The following ANTXR1 variants were observed in gnomAD, a reference collection of about 807,000 sequenced individuals.
ANTXR1 encodes the protein ANTXR cell adhesion molecule 1, also known as anthrax toxin receptor 1.
Under a neutral mutation model 78.1 loss-of-function variants are expected in ANTXR1, and 19 were observed. The observed-to-expected ratio is 0.24, with a 90% CI of 0.17 to 0.36. The LOEUF is 0.36. ANTXR1 is among the 10% of genes least tolerant of loss of function. ANTXR1 has a pLI of 1.00. For missense variants in ANTXR1, 518 were observed against 718.6 expected (o/e 0.72, Z 3.19); for synonymous variants, 273 against 260.5 (o/e 1.05, Z -0.46).
At chr2:69,245,187 C>CG (rs1311328336) in intron 17 of ANTXR1, 38 bp from the exon 18 acceptor site, 1 of 1,613,238 alleles carries the variant, frequency 6.2e-7, no homozygotes, top group Non-Finnish European at 8.5e-7. Flanking sequence ...GATGTGAGGC[C>CG]GTCCGCTCAC....
intron 12 of ANTXR1, among the ~76,000 whole-genome samples, chr2:69,148,441 G>A (rs1240870221): frequency 1.3e-5 from 2 of 152,200 alleles, no homozygotes; most frequent in Admixed American, 6.5e-5. Context: ...ACAATAGCCC[G>A]CTGGTCTGCT....
At chr2:69,146,913 C>A (rs1160124563) in intron 12 of ANTXR1, among the ~76,000 whole-genome samples, 1 of 152,258 alleles carries the variant, frequency 6.6e-6, no homozygotes, top group Non-Finnish European at 1.5e-5. Context: ...GCCAAGCTCA[C>A]ACACCAGTCC....
intron 8 of ANTXR1, among the ~76,000 whole-genome samples, chr2:69,084,771 C>T (rs188430580): frequency 1.3e-5 from 2 of 149,754 alleles, no homozygotes; most frequent in Admixed American, 6.7e-5. Flanking sequence ...ATAGAACTGA[C>T]ATGGATCTGG....
chr2:69,158,267 A>G (rs1336757624), intron 13 of ANTXR1, among the ~76,000 whole-genome samples: 1 of 152,198 alleles, frequency 6.6e-6, no homozygotes, highest in East Asian at 1.9e-4. Context: ...CATATCAGGT[A>G]CTTCCTTATC....
chr2:69,080,892 A>C (rs7569188), intron 8 of ANTXR1, among the ~76,000 whole-genome samples: 4 of 152,006 alleles, frequency 2.6e-5, no homozygotes, highest in Admixed American at 6.5e-5. Context: ...AAGTGAAGAA[A>C]GGCAGAAGAT....
chr2:69,110,681 A>G (rs1157771356), intron 10 of ANTXR1, among the ~76,000 whole-genome samples: 1 of 152,150 alleles, frequency 6.6e-6, no homozygotes, highest in African/African-American at 2.4e-5. Flanking sequence ...TAACACGGTG[A>G]AACCCCGTCT....
At chr2:69,016,747 T>C (rs1239195215) in intron 1 of ANTXR1, among the ~76,000 whole-genome samples, 1 of 152,252 alleles carries the variant, frequency 6.6e-6, no homozygotes, top group East Asian at 1.9e-4. Flanking sequence ...TTTGTTTACA[T>C]GTTTTTCTTA....
chr2:69,179,767 T>C (rs936638354), intron 14 of ANTXR1, among the ~76,000 whole-genome samples: 2 of 152,166 alleles, frequency 1.3e-5, no homozygotes, highest in African/African-American at 2.4e-5. Context: ...ATAGGAATAA[T>C]AACACCATGT....
intron 12 of ANTXR1, among the ~76,000 whole-genome samples, chr2:69,127,271 A>T (rs149520521): frequency 1.3e-5 from 2 of 152,314 alleles, no homozygotes; most frequent in East Asian, 3.9e-4. Context: ...GTATTTGAGT[A>T]GCAACCTGGA....
At chr2:69,222,612 G>C (rs528734440) in intron 17 of ANTXR1, among the ~76,000 whole-genome samples, 1 of 152,320 alleles carries the variant, frequency 6.6e-6, no homozygotes, top group Admixed American at 6.5e-5. Context: ...AGACCGGAAG[G>C]GGGCTGGGGG....
chr2:69,122,595 T>C (rs555269233), intron 10 of ANTXR1, among the ~76,000 whole-genome samples: 1 of 151,982 alleles, frequency 6.6e-6, no homozygotes, highest in Non-Finnish European at 1.5e-5. Flanking sequence ...TTTGTTTTTG[T>C]TTTTTTATTA....
chr2:69,046,370 G>A (rs72895464), intron 3 of ANTXR1, among the ~76,000 whole-genome samples: 2,078 of 152,178 alleles, frequency 0.014, 45 homozygotes, highest in African/African-American at 0.046. Flanking sequence ...GACCCATTGT[G>A]GTTTGTTATG....
At chr2:69,053,126 G>T (rs1669971609) in intron 3 of ANTXR1, among the ~76,000 whole-genome samples, 1 of 151,994 alleles carries the variant, frequency 6.6e-6, no homozygotes, top group African/African-American at 2.4e-5. Flanking sequence ...CCTAAAATTG[G>T]TCCTCTTCTT....
chr2:69,181,672 T>C (rs1212660710), intron 14 of ANTXR1, 114 bp from the exon 15 acceptor site: 3 of 996,436 alleles, frequency 3.0e-6, no homozygotes, highest in African/African-American at 3.2e-5. Flanking sequence ...AGCACTGGGA[T>C]TGCACCCAGG....
chr2:69,219,321 G>A (rs1311847515), intron 17 of ANTXR1, among the ~76,000 whole-genome samples: 1 of 149,104 alleles, frequency 6.7e-6, no homozygotes, highest in Non-Finnish European at 1.5e-5. Context: ...AAAGGAGAAA[G>A]GTTAATCCCT....
intron 17 of ANTXR1, among the ~76,000 whole-genome samples, chr2:69,219,414 CA>C: frequency 6.6e-6 from 1 of 151,840 alleles, no homozygotes; most frequent in Non-Finnish European, 1.5e-5. Flanking sequence ...CACACACACA[CA>C]CACACACCCT....
intron 3 of ANTXR1, among the ~76,000 whole-genome samples, chr2:69,046,110 A>G (rs992997366): frequency 7.2e-5 from 11 of 152,102 alleles, no homozygotes; most frequent in African/African-American, 2.7e-4. Context: ...CCCCTTATGC[A>G]GAGATGTTTT....
intron 10 of ANTXR1, among the ~76,000 whole-genome samples, chr2:69,104,058 C>T (rs931591308): frequency 3.9e-5 from 6 of 151,986 alleles, no homozygotes; most frequent in African/African-American, 1.5e-4. Context: ...CCTGCCTCAG[C>T]CTCCTGAGTA....
intron 3 of ANTXR1, among the ~76,000 whole-genome samples, chr2:69,055,697 A>T (rs941771455): frequency 1.3e-5 from 2 of 152,176 alleles, no homozygotes; most frequent in Admixed American, 6.5e-5. Flanking sequence ...TAATTCCATT[A>T]TATGTGATGT....
Sources: allele counts gnomAD v4.1 joint callset (sites outside exome capture counted in the v4.1 genomes callset), GRCh38; gene constraint gnomAD v4.1.1; transcripts MANE v1.5; gene names NCBI Gene and HGNC (gene_info 2026-07-23, HGNC 2026-07-21).